Variants in HIPK2 observed in about 807,000 individuals in gnomAD.
HIPK2 encodes the protein homeodomain-interacting protein kinase 2.
Under a neutral mutation model 113.7 loss-of-function variants are expected in HIPK2, and 27 were observed. The ratio of observed to expected loss-of-function variants is 0.24; its 90% CI spans 0.17 to 0.33. The LOEUF (loss-of-function observed/expected upper bound fraction) is 0.33, where lower values mean the gene tolerates loss of function less well. Among genes scored for constraint, HIPK2 ranks in the 10% least tolerant of loss-of-function variants. HIPK2 has a pLI of 1.00. For synonymous variants in HIPK2, 631 were observed against 642.2 expected (o/e 0.98, Z 0.26); for missense variants, 1,257 against 1,588.0 (o/e 0.79, Z 3.54).
At chr7:139,592,185 TC>T (rs1799050527) in intron 12 of HIPK2, among the ~76,000 whole-genome samples, 3 of 152,234 alleles carry the variant, frequency 2.0e-5, no homozygotes, top group Admixed American at 6.5e-5. Flanking sequence ...TGTTTTTATA[TC>T]TAAAATACTG....
chr7:139,679,141 A>T (rs1289880719), intron 2 of HIPK2, among the ~76,000 whole-genome samples: 1 of 152,138 alleles, frequency 6.6e-6, no homozygotes, highest in African/African-American at 2.4e-5. Flanking sequence ...TTCCTACTTG[A>T]ATACGTTTTA....
intron 1 of HIPK2, among the ~76,000 whole-genome samples, chr7:139,744,731 C>T (rs910789343): frequency 6.6e-6 from 1 of 152,190 alleles, no homozygotes; most frequent in Non-Finnish European, 1.5e-5. Flanking sequence ...AGGCCCGCTG[C>T]GAAGCCACGT....
At chr7:139,764,379 G>T (rs1002829043) in intron 1 of HIPK2, among the ~76,000 whole-genome samples, 3 of 152,168 alleles carry the variant, frequency 2.0e-5, no homozygotes, top group African/African-American at 7.2e-5. Flanking sequence ...CAGCTATGGC[G>T]AATGATGAGA....
At chr7:139,591,965 A>G (rs1177376331) in intron 12 of HIPK2, among the ~76,000 whole-genome samples, 2 of 152,242 alleles carry the variant, frequency 1.3e-5, no homozygotes, top group Non-Finnish European at 2.9e-5. Flanking sequence ...TTGCCCATGC[A>G]ATAATAAATG....
At chr7:139,700,456 G>A (rs1794676400) in intron 2 of HIPK2, among the ~76,000 whole-genome samples, 1 of 152,148 alleles carries the variant, frequency 6.6e-6, no homozygotes, top group Non-Finnish European at 1.5e-5. Flanking sequence ...CTCAGAAAAC[G>A]TGAGTCACCA....
rs979830285 is a variant in HIPK2 at position 139,565,422 on chromosome 7, A to T, written c.*7505T>A. 5.9e-5 allele frequency: 9 copies of T among 152,350 alleles called. No individual in the cohort carries two copies. In the East Asian group the frequency reaches 1.5e-3, roughly 26 times the overall value. The allele number at this position is 152,350 out of a possible 1,614,324, so 9.4% of individuals were successfully genotyped here. On this transcript the variant is annotated 3_prime_UTR_variant, in exon 15 of 15. Transcript: ENST00000406875. ...AAAAAAGGAACAAGAAACCCACTCA[A>T]AACAACTGAACAAATATTTCATAAT...
chr7:139,713,407 C>T (rs1795128049), intron 2 of HIPK2, among the ~76,000 whole-genome samples: 1 of 152,100 alleles, frequency 6.6e-6, no homozygotes, highest in Non-Finnish European at 1.5e-5. Context: ...GGCACCAGCA[C>T]CAGGCAGGAA....
intron 12 of HIPK2, among the ~76,000 whole-genome samples, chr7:139,585,569 G>A (rs915479149): frequency 7.2e-5 from 11 of 152,222 alleles, no homozygotes; most frequent in African/African-American, 2.7e-4. Context: ...TGACAGGGCG[G>A]TGGGCAGCTA....
At chr7:139,738,020 A>G (rs1235612779) in intron 1 of HIPK2, among the ~76,000 whole-genome samples, 1 of 152,190 alleles carries the variant, frequency 6.6e-6, no homozygotes, top group Admixed American at 6.5e-5. Flanking sequence ...GAGTTAGAGA[A>G]AGGATTCGAG....
intron 2 of HIPK2, among the ~76,000 whole-genome samples, chr7:139,672,143 G>A (rs182503373): frequency 6.6e-4 from 100 of 152,206 alleles, no homozygotes; most frequent in Admixed American, 1.2e-3. Flanking sequence ...TGATTTAGAT[G>A]CTAAAGATAA....
chr7:139,604,124 T>C lies in HIPK2; in HGVS notation c.2212A>G (p.Ile738Val), dbSNP rs771467267. The C allele has an allele frequency of 2.5e-6, 4 of 1,613,990 alleles. No individual in the cohort carries two copies. The highest frequency in any genetic ancestry group is 3.4e-6 in the Non-Finnish European group (4 of 1,179,900). ...TGGGTGCCTGCCATGGTCTCGGGAA[T>C]CACGGTGGCATGCTGCACTGATGTG... The part of the protein sequence containing the change: ...THTSVQHATV[I>V]PETMAGTQQL... Residue 738 changes from isoleucine to valine, a missense_variant, in exon 10 of 15, where the codon ATT (isoleucine) becomes GTT (valine). By Grantham distance (29) the Ile-to-Val change is conservative (BLOSUM62 3). Around this residue, in one of 5 missense-constraint regions of HIPK2, gnomAD observed 862 missense variants for 1,004.3 expected, o/e 0.86. Coordinates refer to ENST00000406875, the MANE Select transcript of HIPK2 (RefSeq NM_022740.5).
At chr7:139,749,797 C>T (rs985097209) in intron 1 of HIPK2, among the ~76,000 whole-genome samples, 20 of 152,148 alleles carry the variant, frequency 1.3e-4, no homozygotes, top group Admixed American at 4.6e-4. Flanking sequence ...CTCTGGTATC[C>T]GCCACGCCGC....
At chr7:139,669,138 A>C (rs1802169970) in intron 2 of HIPK2, among the ~76,000 whole-genome samples, 1 of 152,204 alleles carries the variant, frequency 6.6e-6, no homozygotes, top group Non-Finnish European at 1.5e-5. Context: ...AAAACTGAGG[A>C]CTTATCATTC....
At chr7:139,776,285 G>A (rs1326790547) in intron 1 of HIPK2, among the ~76,000 whole-genome samples, 2 of 146,264 alleles carry the variant, frequency 1.4e-5, no homozygotes, top group Non-Finnish European at 2.9e-5. Context: ...TTCTAAGAGA[G>A]TCTGAAAAAA....
At position 139,613,295 on chromosome 7, in the gene HIPK2, A is replaced by G. The variant is rs765154547; in HGVS notation, c.2019T>C (p.Ala673=). ...QGLQASPSKH[A]GYSVRMENAV... ...CATTTTCCATTCGCACCGAGTAGCC[A>G]GCGTGCTTAGAGGGAGAGGCCTGCA... Residue 673 remains alanine, a synonymous_variant, in exon 9 of 15, where the codon GCT becomes GCC. Coordinates refer to ENST00000406875, the MANE Select transcript of HIPK2 (RefSeq NM_022740.5). The surrounding 1 kb of genome is among the most constrained non-coding windows in gnomAD (Gnocchi z 4.2). The G allele has an allele frequency of 5.2e-5, 84 of 1,613,648 alleles. No individual in the cohort carries two copies. Among genetic ancestry groups the G allele is most frequent in the South Asian group, 4.0e-4 (36 of 90,974 alleles).
intron 1 of HIPK2, among the ~76,000 whole-genome samples, chr7:139,737,470 A>G (rs1306673501): frequency 6.6e-6 from 1 of 152,202 alleles, no homozygotes; most frequent in African/African-American, 2.4e-5. Context: ...GATAAGCTCT[A>G]ACACCAGTTA....
In HIPK2 at chr7:139,568,908, G is replaced by A. The variant is rs1233001127; in HGVS notation, c.*4019C>T. ...ATGTTTGCTGAGCGTCTGTGGGGCT[G>A]GCATCGCCCAATACTTCCCTTCCCT... On this transcript the variant is annotated 3_prime_UTR_variant, in exon 15 of 15. Coordinates refer to ENST00000406875, the MANE Select transcript of HIPK2 (RefSeq NM_022740.5). The A allele has an allele frequency of 1.3e-5, 2 of 152,172 alleles. No homozygotes were observed. Among genetic ancestry groups the A allele is most frequent in the Non-Finnish European group, 2.9e-5 (2 of 68,146 alleles). The allele number at this position is 152,172 out of a possible 1,614,324, so 9.4% of individuals were successfully genotyped here.
intron 2 of HIPK2, among the ~76,000 whole-genome samples, chr7:139,675,034 G>C (rs562786579): frequency 1.3e-5 from 2 of 152,160 alleles, no homozygotes; most frequent in African/African-American, 2.4e-5. Context: ...TATTTATGCT[G>C]TGTCTAATTT....
At chr7:139,695,298 A>C in intron 2 of HIPK2, among the ~76,000 whole-genome samples, 1 of 152,220 alleles carries the variant, frequency 6.6e-6, no homozygotes, top group East Asian at 1.9e-4. Flanking sequence ...TGACCATCAC[A>C]GTGGGTGGCT....
Sources: gnomAD v4.1 joint callset for allele counts (sites outside exome capture counted in the v4.1 genomes callset) on GRCh38, gnomAD v4.1.1 for gene constraint, gnomAD v4.1.1 regional missense constraint, Gnocchi (gnomAD v3.1) non-coding constraint, MANE v1.5 for transcripts, NCBI Gene and HGNC (gene_info 2026-07-23, HGNC 2026-07-21) for gene names.